The following UTS2B variants were observed in gnomAD, a reference collection of about 807,000 sequenced individuals.
The protein encoded by UTS2B is urotensin 2B.
In UTS2B, 21 loss-of-function variants were observed where a neutral mutation model predicts 19.2. The ratio of observed to expected loss-of-function variants is 1.09; its 90% CI spans 0.78 to 1.58. The LOEUF (loss-of-function observed/expected upper bound fraction) is 1.58, where lower values mean the gene tolerates loss of function less well. Among genes scored for constraint, UTS2B ranks in the 40% most tolerant of loss-of-function variants. The probability of loss-of-function intolerance (pLI) is 0.00; values close to 1 mark genes in which losing one functional copy is unlikely to be tolerated. For missense variants in UTS2B, 138 were observed against 130.3 expected (o/e 1.06, Z -0.29); for synonymous variants, 57 against 50.2 (o/e 1.14, Z -0.58).
At chr3:191,316,528 C>T (rs192373284) in intron 2 of UTS2B, 89 bp from the exon 3 acceptor site, 2 of 151,518 alleles carry the variant, frequency 1.3e-5, no homozygotes, top group Non-Finnish European at 2.9e-5. Context: ...CTTTTATTCC[C>T]TTATCTGACC....
upstream of UTS2B, among the ~76,000 whole-genome samples, chr3:191,331,703 A>C (rs945852061): frequency 2.0e-5 from 3 of 152,166 alleles, no homozygotes; most frequent in Non-Finnish European, 4.4e-5. Context: ...AATGGTGGTG[A>C]AGTTTTTGAT....
chr3:191,284,625 A>C (rs954553541), intron 4 of UTS2B, among the ~76,000 whole-genome samples: 3 of 150,700 alleles, frequency 2.0e-5, no homozygotes, highest in Admixed American at 2.0e-4. Flanking sequence ...CCTGGCCCCA[A>C]AATGAATAAT....
chr3:191,324,084 T>A (rs9830235), intron 2 of UTS2B, among the ~76,000 whole-genome samples: 44,768 of 152,014 alleles, frequency 0.29, 7,106 homozygotes, highest in Non-Finnish European at 0.34. Context: ...TATGAATGCA[T>A]TAATCCATTG....
chr3:191,345,950 C>T, the UTS2B span, among the ~76,000 whole-genome samples: 2 of 152,124 alleles, frequency 1.3e-5, no homozygotes, highest in Admixed American at 6.6e-5. Flanking sequence ...TTTTAAGTTG[C>T]CACGTGATAA....
intron 2 of UTS2B, among the ~76,000 whole-genome samples, chr3:191,325,866 G>A (rs942212023): frequency 6.6e-6 from 1 of 152,164 alleles, no homozygotes; most frequent in African/African-American, 2.4e-5. Context: ...TGGACTTCTA[G>A]CCTCCAGAAC....
intron 2 of UTS2B, among the ~76,000 whole-genome samples, chr3:191,321,430 T>C (rs760019532): frequency 1.1e-4 from 17 of 152,244 alleles, no homozygotes; most frequent in Non-Finnish European, 2.5e-4. Context: ...AAATTGTGGG[T>C]ACTCAAAATA....
At chr3:191,284,148 G>T (rs746890421) in intron 4 of UTS2B, among the ~76,000 whole-genome samples, 2 of 151,874 alleles carry the variant, frequency 1.3e-5, no homozygotes, top group Non-Finnish European at 2.9e-5. Context: ...GACATATGCA[G>T]CTTTTATTGC....
upstream of UTS2B, among the ~76,000 whole-genome samples, chr3:191,332,782 C>G (rs1433011771): frequency 1.3e-5 from 2 of 152,186 alleles, no homozygotes; most frequent in African/African-American, 4.8e-5. Context: ...AATCAAGACT[C>G]CCTACTTCCT....
rs759274860 is a variant in UTS2B at position 191,316,090 on chromosome 3, T to G, written c.-236A>C. The G allele has an allele frequency of 2.6e-5, 4 of 152,236 alleles. No individual in the cohort carries two copies. Among genetic ancestry groups the G allele is most frequent in the African/African-American group, 4.8e-5 (2 of 41,456 alleles). 9.4% of individuals were successfully genotyped at this position (152,236 alleles called of 1,614,324 possible). A position where few individuals can be genotyped will look rare whatever the true frequency, so the allele number is the denominator to read the frequency against. Reference sequence around the variant, plus strand: ...GCTCAAGTGGGTTTTGAAGATCAGTTTCCAAAGTGGTTGGCAATCAGCTAG... The same window carrying G: ...GCTCAAGTGGGTTTTGAAGATCAGTGTCCAAAGTGGTTGGCAATCAGCTAG... On this transcript the variant is annotated 5_prime_UTR_variant, in exon 3 of 9. Transcript: ENST00000340524.
At chr3:191,317,090 C>G (rs1013183653) in intron 2 of UTS2B, among the ~76,000 whole-genome samples, 2 of 152,214 alleles carry the variant, frequency 1.3e-5, no homozygotes, top group Non-Finnish European at 2.9e-5. Flanking sequence ...AGGCTCGGGC[C>G]GTGCAGAGCC....
At chr3:191,278,927 T>C (rs1483660921) in intron 5 of UTS2B, among the ~76,000 whole-genome samples, 1 of 152,070 alleles carries the variant, frequency 6.6e-6, no homozygotes, top group Non-Finnish European at 1.5e-5. Flanking sequence ...ATCACATAAT[T>C]TCTGTAAGAT....
chr3:191,335,105 A>G (rs562778037), upstream of UTS2B, among the ~76,000 whole-genome samples: 42 of 152,330 alleles, frequency 2.8e-4, no homozygotes, highest in African/African-American at 9.9e-4. Flanking sequence ...AGCCCTTGTT[A>G]GGGACTTAAC....
chr3:191,323,718 C>G (rs1343804706), intron 2 of UTS2B, among the ~76,000 whole-genome samples: 1 of 152,054 alleles, frequency 6.6e-6, no homozygotes, highest in Non-Finnish European at 1.5e-5. Flanking sequence ...AATGAGCTGT[C>G]AAATTTAAGC....
the UTS2B span, among the ~76,000 whole-genome samples, chr3:191,335,943 C>A: frequency 6.6e-6 from 1 of 151,186 alleles, no homozygotes; most frequent in Non-Finnish European, 1.5e-5. Flanking sequence ...ATGCCCCCAC[C>A]AGCCACTGAT....
In UTS2B at chr3:191,268,253, T is replaced by G. The variant is rs564351487; in HGVS notation, c.*163A>C. ...TCATTCTGGCAGTCCAACCTGGCAT[T>G]GTCTTTACACAATCCCGCATGCAAT... is the stretch of plus-strand genomic sequence containing the variant. On this transcript the variant is annotated 3_prime_UTR_variant, in exon 9 of 9. Coordinates refer to ENST00000340524, the MANE Select transcript of UTS2B (RefSeq NM_198152.5). 15 of 519,176 alleles carry G rather than the reference T, an allele frequency of 2.9e-5. No homozygotes were observed. In the East Asian group the frequency reaches 5.4e-4, roughly 19 times the overall value. 32.2% of individuals were successfully genotyped at this position (519,176 alleles called of 1,614,324 possible).
At chr3:191,275,427 TC>T in intron 7 of UTS2B, 82 bp from the exon 8 acceptor site, 2 of 1,095,424 alleles carry the variant, frequency 1.8e-6, no homozygotes, top group African/African-American at 1.5e-5. Context: ...ATGCCTGTAA[TC>T]CCAGCACTTC....
At chr3:191,303,971 T>A (rs1717068892) in intron 4 of UTS2B, among the ~76,000 whole-genome samples, 1 of 148,786 alleles carries the variant, frequency 6.7e-6, no homozygotes, top group Non-Finnish European at 1.5e-5. Flanking sequence ...CCTGGTGGCT[T>A]TTTTTTTTTC....
intron 3 of UTS2B, among the ~76,000 whole-genome samples, chr3:191,305,232 G>C (rs533813502): frequency 6.6e-6 from 1 of 152,292 alleles, no homozygotes; most frequent in East Asian, 1.9e-4. Context: ...AGGTCTGTGA[G>C]GAATCGCCAC....
intron 1 of UTS2B, among the ~76,000 whole-genome samples, chr3:191,329,954 G>GAT: frequency 7.2e-6 from 1 of 138,340 alleles, no homozygotes; most frequent in Middle Eastern, 3.7e-3. Flanking sequence ...GGGGGGGGGG[G>GAT]GGCTAGCAGC....
Sources: allele counts gnomAD v4.1 joint callset (sites outside exome capture counted in the v4.1 genomes callset), GRCh38; gene constraint gnomAD v4.1.1; transcripts MANE v1.5; gene names NCBI Gene and HGNC (gene_info 2026-07-23, HGNC 2026-07-21).